HDAC9: variants seen among roughly 807,000 people sequenced by gnomAD.
HDAC9 encodes the protein MEF-2 interacting transcription repressor (MITR) protein.
Under a neutral mutation model 139.4 loss-of-function variants are expected in HDAC9, and 41 were observed. The ratio of observed to expected loss-of-function variants is 0.29; its 90% CI spans 0.23 to 0.38. The LOEUF is 0.38. HDAC9 is among the 10% of genes least tolerant of loss of function. The pLI, the probability that HDAC9 is intolerant of heterozygous loss-of-function variation, is 1.00. For missense variants in HDAC9, 1,147 were observed against 1,297.0 expected, an observed-to-expected ratio of 0.88 and a Z score of 1.78; for synonymous variants, 517 against 476.2, an observed-to-expected ratio of 1.09 and a Z score of -1.12.
chr7:18,953,249 G>A (rs1054170393), intron 23 of HDAC9, among the ~76,000 whole-genome samples: 1 of 151,916 alleles, frequency 6.6e-6, no homozygotes, highest in Non-Finnish European at 1.5e-5. Context: ...CTACTTTTTT[G>A]TTAATCCTTT....
At chr7:18,561,913 AC>A (rs1467578841) in intron 2 of HDAC9, among the ~76,000 whole-genome samples, 1 of 152,232 alleles carries the variant, frequency 6.6e-6, no homozygotes, top group Non-Finnish European at 1.5e-5. Flanking sequence ...GCATTCATGT[AC>A]AAGTTTTCGT....
chr7:18,091,411 G>A (rs1583982577), intron 1 of HDAC9, among the ~76,000 whole-genome samples: 2 of 152,210 alleles, frequency 1.3e-5, no homozygotes, highest in Non-Finnish European at 2.9e-5. Context: ...GGAGATGGGT[G>A]TGGACTGGTT....
chr7:18,249,161 A>C (rs937561473), intron 2 of HDAC9, among the ~76,000 whole-genome samples: 1 of 152,288 alleles, frequency 6.6e-6, no homozygotes, highest in Admixed American at 6.5e-5. Flanking sequence ...TATTTTCTTA[A>C]AACAAGAAAA....
At chr7:18,857,113 A>T (rs1408078244) in intron 21 of HDAC9, among the ~76,000 whole-genome samples, 1 of 151,928 alleles carries the variant, frequency 6.6e-6, no homozygotes, top group Admixed American at 6.6e-5. Context: ...TCTATGTGTC[A>T]TAGTTTTGGT....
At chr7:18,258,613 A>G (rs1280110499) in intron 2 of HDAC9, among the ~76,000 whole-genome samples, 1 of 152,208 alleles carries the variant, frequency 6.6e-6, no homozygotes, top group Admixed American at 6.5e-5. Flanking sequence ...TAGATTTTAT[A>G]CAGAAGAAGA....
intron 6 of HDAC9, among the ~76,000 whole-genome samples, chr7:18,598,205 A>G (rs1026400008): frequency 6.6e-6 from 1 of 152,176 alleles, no homozygotes; most frequent in Non-Finnish European, 1.5e-5. Context: ...TGAACATTAT[A>G]CACATTTCTG....
intron 2 of HDAC9, among the ~76,000 whole-genome samples, chr7:18,272,749 T>C (rs1040560962): frequency 6.6e-6 from 1 of 152,150 alleles, no homozygotes; most frequent in Non-Finnish European, 1.5e-5. Flanking sequence ...AATTGAGGTA[T>C]GGGTTCAGTA....
At chr7:18,107,340 A>G (rs1429549790) in intron 1 of HDAC9, among the ~76,000 whole-genome samples, 2 of 152,242 alleles carry the variant, frequency 1.3e-5, no homozygotes, top group African/African-American at 4.8e-5. Context: ...CTCCATAGAA[A>G]GTGTTTGGTA....
chr7:18,356,361 T>TTTG (rs1441613588), intron 1 of HDAC9, among the ~76,000 whole-genome samples: 1 of 126,568 alleles, frequency 7.9e-6, no homozygotes, highest in Non-Finnish European at 1.7e-5. Flanking sequence ...CACATAGGTT[T>TTTG]TTTTTTTTTT....
At chr7:18,490,667 A>G (rs181632858) in intron 1 of HDAC9, among the ~76,000 whole-genome samples, 5 of 152,144 alleles carry the variant, frequency 3.3e-5, no homozygotes, top group Non-Finnish European at 1.5e-5. Flanking sequence ...ATTCAGATAA[A>G]TAAGGTCTTG....
intron 2 of HDAC9, among the ~76,000 whole-genome samples, chr7:18,263,422 G>A (rs1177454992): frequency 6.6e-6 from 1 of 152,100 alleles, no homozygotes; most frequent in East Asian, 1.9e-4. Flanking sequence ...TAAAAGAAAG[G>A]TACTGAGGTG....
In HDAC9 at chr7:18,580,069, A is replaced by G. The variant is rs774657784; in HGVS notation, c.23-5212A>G. ...CATCTAAAGTGAAGAAGTAAGAAATACTCTGTGGTAACTAGATTATCCTTA... is the reference window on the plus strand; with the variant it reads ...CATCTAAAGTGAAGAAGTAAGAAATGCTCTGTGGTAACTAGATTATCCTTA... On this transcript the variant is annotated intron_variant, in intron 2 of 25. Transcript: ENST00000686413. Among the ~76,000 whole-genome samples the G allele has an allele frequency of 2.4e-4, 36 of 152,226 alleles. 1 individual carries two copies. The highest frequency in any genetic ancestry group is 1.5e-3 in the South Asian group (7 of 4,822).
chr7:18,150,864 A>G (rs1205226884), intron 1 of HDAC9, among the ~76,000 whole-genome samples: 1 of 152,190 alleles, frequency 6.6e-6, no homozygotes, highest in East Asian at 1.9e-4. Context: ...TTGCAGAGGA[A>G]CTTAAGAGTG....
intron 16 of HDAC9, among the ~76,000 whole-genome samples, chr7:18,782,679 T>C (rs919498958): frequency 3.7e-4 from 53 of 143,620 alleles, no homozygotes; most frequent in African/African-American, 1.3e-3. Context: ...AAATAGAAAG[T>C]AATGTTAGAA....
intron 23 of HDAC9, among the ~76,000 whole-genome samples, chr7:18,940,977 G>T (rs1008892844): frequency 6.6e-5 from 10 of 152,124 alleles, no homozygotes; most frequent in African/African-American, 2.4e-4. Context: ...CCGAATAAAT[G>T]ATGATTTCTA....
chr7:18,457,959 G>A (rs1350868933), intron 1 of HDAC9, among the ~76,000 whole-genome samples: 1 of 152,114 alleles, frequency 6.6e-6, no homozygotes, highest in Non-Finnish European at 1.5e-5. Flanking sequence ...ACAGAGTCTG[G>A]TTCGTGTGTT....
chr7:18,729,296 A>G (rs893572116), intron 13 of HDAC9, among the ~76,000 whole-genome samples: 2 of 151,314 alleles, frequency 1.3e-5, no homozygotes, highest in African/African-American at 2.4e-5. Context: ...TTATAATAAT[A>G]TTAAAAATTA....
At chr7:18,141,473 CT>C (rs958891665) in intron 1 of HDAC9, among the ~76,000 whole-genome samples, 16 of 152,120 alleles carry the variant, frequency 1.1e-4, no homozygotes, top group African/African-American at 3.9e-4. Flanking sequence ...TACTTTAAAA[CT>C]TTGGTATTCA....
chr7:18,368,331 G>T (rs1178325539), intron 1 of HDAC9, among the ~76,000 whole-genome samples: 1 of 151,920 alleles, frequency 6.6e-6, no homozygotes. Flanking sequence ...TTGGTATGAG[G>T]TGCAGATCCA....
Sources: gnomAD v4.1 joint callset for allele counts (sites outside exome capture counted in the v4.1 genomes callset) on GRCh38, gnomAD v4.1.1 for gene constraint, MANE v1.5 for transcripts, NCBI Gene and HGNC (gene_info 2026-07-23, HGNC 2026-07-21) for gene names.